The following LATS2 variants were observed in gnomAD, a reference collection of about 807,000 sequenced individuals.
LATS2 encodes the protein serine/threonine-protein kinase LATS2.
Under a neutral mutation model 76.0 loss-of-function variants are expected in LATS2, and 24 were observed. That is an observed-to-expected ratio of 0.32 (90% confidence interval 0.23 to 0.44). The LOEUF (loss-of-function observed/expected upper bound fraction) is 0.44, where lower values mean the gene tolerates loss of function less well. Among genes scored for constraint, LATS2 ranks in the 20% least tolerant of loss-of-function variants. The probability of loss-of-function intolerance (pLI) is 1.00; values close to 1 mark genes in which losing one functional copy is unlikely to be tolerated. For synonymous variants in LATS2, 692 were observed against 635.4 expected (o/e 1.09, Z -1.34); for missense variants, 1,286 against 1,481.2 (o/e 0.87, Z 2.16).
chr13:20,982,079 C>A (rs567466386), intron 5 of LATS2, among the ~76,000 whole-genome samples: 1 of 152,022 alleles, frequency 6.6e-6, no homozygotes, highest in Non-Finnish European at 1.5e-5. Context: ...TACTTCAATG[C>A]CAGAAAATGA....
At chr13:21,050,747 C>T (rs1260319565) in intron 1 of LATS2, among the ~76,000 whole-genome samples, 3 of 152,224 alleles carry the variant, frequency 2.0e-5, no homozygotes, top group Non-Finnish European at 2.9e-5. Flanking sequence ...TGCTTACCAT[C>T]GCCGTGCCAA....
At chr13:21,051,571 C>T (rs1259434698) in intron 1 of LATS2, among the ~76,000 whole-genome samples, 2 of 152,178 alleles carry the variant, frequency 1.3e-5, no homozygotes, top group Non-Finnish European at 2.9e-5. Context: ...TGGTGCCATT[C>T]TCTGAGCCAG....
At chr13:21,061,034 A>T (rs1873626009) in intron 1 of LATS2, among the ~76,000 whole-genome samples, 1 of 150,348 alleles carries the variant, frequency 6.7e-6, no homozygotes, top group Non-Finnish European at 1.5e-5. Flanking sequence ...GCCGCACAAC[A>T]AAGCGGCGCA....
rs192975792 is a variant in LATS2, at chr13:21,002,579, T to C, written c.343-11175A>G. Among the ~76,000 whole-genome samples, 209 of 152,230 alleles carry C rather than the reference T, an allele frequency of 1.4e-3. 1 individual carries two copies. Among genetic ancestry groups the C allele is most frequent in the African/African-American group, 4.5e-3 (188 of 41,552 alleles). ...TTTTAGTAGAGATGGGGTTTCGCCA[T>C]GTTGCCCAGGATGGTCTGGAACTCC... On this transcript the variant is annotated intron_variant, in intron 2 of 7. Transcript: ENST00000382592.
rs568448688 is a variant in LATS2 at position 20,979,601 on chromosome 13, A to G, written c.2772+90T>C. The G allele has an allele frequency of 4.0e-5, 25 of 629,338 alleles. 1 individual carries two copies. The South Asian group carries it at 4.9e-4, about 12-fold the overall frequency. 39.0% of individuals were successfully genotyped at this position (629,338 alleles called of 1,614,324 possible). ...AACTGCCATTCCTACCCTACTCAGAATAAGAGGGCAAATGCTGACCAAAGA... is the reference window on the plus strand; with the variant it reads ...AACTGCCATTCCTACCCTACTCAGAGTAAGAGGGCAAATGCTGACCAAAGA... On this transcript the variant is annotated intron_variant, in intron 7 of 7. Coordinates refer to ENST00000382592, the MANE Select transcript of LATS2 (RefSeq NM_014572.3).
rs1369661647 is a variant in LATS2, at chr13:20,983,326, G to C, written c.2380C>G (p.Pro794Ala). The change falls in exon 5 of 8, where the codon CCT (proline) becomes GCT (alanine). Residue 794 changes from proline to alanine, a missense_variant. This residue lies in a region of LATS2 where 247 missense variants were observed against 385.4 expected (regional missense o/e 0.64). Coordinates refer to ENST00000382592, the MANE Select transcript of LATS2 (RefSeq NM_014572.3). ...TCCAGATCTATCAAAATGTTATCAG[G>C]CTTGATGTCTCGGTGGATGAAGCCC... ...KMGFIHRDIK[P>A]DNILIDLDGH... The C allele has an allele frequency of 6.2e-7, 1 of 1,614,078 alleles. No homozygotes were observed. Among genetic ancestry groups the C allele is most frequent in the Non-Finnish European group, 8.5e-7 (1 of 1,179,988 alleles).
intron 1 of LATS2, among the ~76,000 whole-genome samples, chr13:21,049,887 G>A (rs759238945): frequency 2.0e-5 from 3 of 152,066 alleles, no homozygotes; most frequent in South Asian, 4.1e-4. Flanking sequence ...TTCGGATGCC[G>A]AGGCAGGCAG....
chr13:21,000,966 G>A lies in LATS2; in HGVS notation c.343-9562C>T, dbSNP rs972925751. On this transcript the variant is annotated intron_variant, in intron 2 of 7. Coordinates refer to ENST00000382592, the MANE Select transcript of LATS2 (RefSeq NM_014572.3). ...TTTATGTTGAAAGAACAGTAATTTC[G>A]ATTTGTTAAAGAGAGCATGACAATA... Among the ~76,000 whole-genome samples the A allele has an allele frequency of 5.9e-5, 9 of 152,112 alleles. No individual in the cohort carries two copies. The South Asian group carries it at 6.2e-4, about 10-fold the overall frequency.
intron 1 of LATS2, among the ~76,000 whole-genome samples, chr13:21,055,777 T>G (rs1267955948): frequency 6.6e-6 from 1 of 152,202 alleles, no homozygotes; most frequent in African/African-American, 2.4e-5. Flanking sequence ...AACCTAAAAT[T>G]CCAGCTATTA....
intron 2 of LATS2, among the ~76,000 whole-genome samples, chr13:20,995,369 C>T (rs770407387): frequency 9.9e-5 from 15 of 152,232 alleles, no homozygotes; most frequent in South Asian, 2.1e-4. Context: ...CAGCTTACCT[C>T]AGGCTGCTGT....
intron 2 of LATS2, among the ~76,000 whole-genome samples, chr13:21,027,556 C>T (rs1872354992): frequency 6.6e-6 from 1 of 152,142 alleles, no homozygotes; most frequent in African/African-American, 2.4e-5. Context: ...AAGTGTGGGT[C>T]TATTTTTGTA....
In LATS2 at chr13:20,989,261, G is replaced by A. The variant is rs775135248; in HGVS notation, c.519C>T (p.Phe173=). ...MPTPVTRRPS[F]EGTGDSFASY... ...ACGCAAACGAATCGCCGGTTCCTTCGAAGCTGGGCCTCCGCGTCACTGGGG... is the reference window on the plus strand; with the variant it reads ...ACGCAAACGAATCGCCGGTTCCTTCAAAGCTGGGCCTCCGCGTCACTGGGG... Residue 173 remains phenylalanine, a synonymous_variant, in exon 4 of 8, where the codon TTC becomes TTT. Transcript: ENST00000382592. The A allele has an allele frequency of 3.7e-6, 6 of 1,613,884 alleles. No individual in the cohort carries two copies. The highest frequency in any genetic ancestry group is 2.7e-5 in the African/African-American group (2 of 74,944).
At chr13:21,036,806 A>C (rs1872696631) in intron 2 of LATS2, among the ~76,000 whole-genome samples, 1 of 152,114 alleles carries the variant, frequency 6.6e-6, no homozygotes. Context: ...AAACAACAAC[A>C]AAAAAGCCAA....
At chr13:21,059,411 T>C (rs59819382) in intron 1 of LATS2, among the ~76,000 whole-genome samples, 12,203 of 151,164 alleles carry the variant, frequency 0.081, 1,072 homozygotes, top group East Asian at 0.43. Context: ...TCCTGGCTAA[T>C]ACAGCGAAAC....
chr13:20,998,518 G>GA lies in LATS2; in HGVS notation c.343-7115dup, dbSNP rs554178460. 4.0e-3 allele frequency among the ~76,000 whole-genome samples: 606 copies of GA among 152,290 alleles called. 3 individuals are homozygous for GA. The highest frequency in any genetic ancestry group is 0.014 in the African/African-American group (594 of 41,566). Reference sequence around the variant, plus strand: ...ATTGCCAGCAGGGTGGTCTTCAAAAGAATCTCTGACCCAAAGGCCTAGATT... The same window carrying GA: ...ATTGCCAGCAGGGTGGTCTTCAAAAGAAATCTCTGACCCAAAGGCCTAGATT... On this transcript the variant is annotated intron_variant, in intron 2 of 7. Coordinates refer to ENST00000382592, the MANE Select transcript of LATS2 (RefSeq NM_014572.3).
intron 2 of LATS2, among the ~76,000 whole-genome samples, chr13:21,008,454 A>C (rs375928401): frequency 6.6e-6 from 1 of 152,246 alleles, no homozygotes; most frequent in East Asian, 1.9e-4. Flanking sequence ...TTCTCATAAT[A>C]ACGCTAAATG....
At chr13:21,045,572 C>G (rs1332371673) in intron 2 of LATS2, 113 bp downstream of exon 2, 1 of 750,726 alleles carries the variant, frequency 1.3e-6, no homozygotes, top group Admixed American at 2.9e-5. Flanking sequence ...CCTAGAAACA[C>G]TTGTATAAGT....
At chr13:21,037,840 T>C (rs114258160) in intron 2 of LATS2, among the ~76,000 whole-genome samples, 4,720 of 148,526 alleles carry the variant, frequency 0.032, 240 homozygotes, top group African/African-American at 0.11. Flanking sequence ...AGGGCCAGGG[T>C]GGGCCTGCCA....
chr13:20,983,927 C>T, intron 4 of LATS2, 121 bp from the exon 5 acceptor site: 1 of 752,668 alleles, frequency 1.3e-6, no homozygotes, highest in Non-Finnish European at 2.2e-6. Context: ...GAAAGGAGAA[C>T]AGAGAAGAAT....
Sources: allele counts gnomAD v4.1 joint callset (sites outside exome capture counted in the v4.1 genomes callset), GRCh38; gene constraint gnomAD v4.1.1; regional missense constraint gnomAD v4.1.1; transcripts MANE v1.5; gene names NCBI Gene and HGNC (gene_info 2026-07-23, HGNC 2026-07-21).